Variants in STX18 observed in about 807,000 individuals in gnomAD.
STX18 encodes the protein syntaxin-18.
A neutral mutation model predicts 50.1 loss-of-function variants in STX18; 40 were observed. The ratio of observed to expected loss-of-function variants is 0.80; its 90% CI spans 0.62 to 1.04. The LOEUF (loss-of-function observed/expected upper bound fraction) is 1.04. Ranked by LOEUF, STX18 falls within the 50% of genes least tolerant of loss-of-function variation. The pLI, the probability that STX18 is intolerant of heterozygous loss-of-function variation, is 0.00. For synonymous variants in STX18, 158 were observed against 151.8 expected, an observed-to-expected ratio of 1.04 and a Z score of -0.30; for missense variants, 410 against 415.8, an observed-to-expected ratio of 0.99 and a Z score of 0.12.
At position 4,524,465 on chromosome 4, in the gene STX18, G is replaced by T. The variant is rs192155817; in HGVS notation, c.168+17332C>A. 2.5e-3 allele frequency among the ~76,000 whole-genome samples: 384 copies of T among 152,330 alleles called. 1 individual carries two copies. The highest frequency in any genetic ancestry group is 8.8e-3 in the African/African-American group (365 of 41,564). ...TTAGTGGCAACAGGAGTGGATTGAG[G>T]ATAAGAATATCACTCAATTTGAGCC... On this transcript the variant is annotated intron_variant, in intron 1 of 10. Transcript: ENST00000306200.
intron 1 of STX18, among the ~76,000 whole-genome samples, chr4:4,493,944 T>A (rs1577372596): frequency 1.3e-5 from 2 of 152,360 alleles, no homozygotes; most frequent in East Asian, 3.9e-4. Flanking sequence ...GTGGTTTGAA[T>A]GTCTTTAACT....
chr4:4,459,049 A>AACAC (rs1054012083), intron 3 of STX18, among the ~76,000 whole-genome samples: 1 of 121,826 alleles, frequency 8.2e-6, no homozygotes, highest in African/African-American at 3.6e-5. Flanking sequence ...TGCCACACAG[A>AACAC]ACACACACAC....
chr4:4,485,201 A>G lies in STX18; in HGVS notation c.169-13495T>C, dbSNP rs1448795540. On this transcript the variant is annotated intron_variant, in intron 1 of 10. Coordinates refer to ENST00000306200, the MANE Select transcript of STX18 (RefSeq NM_016930.4). ...CATCTCTGAGGTATAAACTTGAGAC[A>G]GTAATAATGCTGAAGGTGACTACAG... Among the ~76,000 whole-genome samples, 3 of 152,246 alleles carry G rather than the reference A, an allele frequency of 2.0e-5. No individual in the cohort carries two copies. In the East Asian group the frequency reaches 5.8e-4, roughly 29 times the overall value.
intron 1 of STX18, among the ~76,000 whole-genome samples, chr4:4,511,022 G>A (rs1261219988): frequency 2.0e-5 from 3 of 152,184 alleles, no homozygotes; most frequent in Admixed American, 6.5e-5. Flanking sequence ...AGACAAGGGG[G>A]AGGGAGAGCA....
rs953212854 is a variant in STX18, at chr4:4,542,023, G to C, written c.-59C>G. Reference sequence around the variant, plus strand: ...GCCCACGTAAGCAGCCGGCGACCGCGGCGCGAACCCGGCCGCTGAAGGACT... The same window carrying C: ...GCCCACGTAAGCAGCCGGCGACCGCCGCGCGAACCCGGCCGCTGAAGGACT... On this transcript the variant is annotated 5_prime_UTR_variant, in exon 1 of 11. Transcript: ENST00000306200. 6.7e-7 allele frequency: 1 copy of C among 1,482,388 alleles called. No homozygotes were observed. The highest frequency in any genetic ancestry group is 9.0e-7 in the Non-Finnish European group (1 of 1,114,128). The allele number at this position is 1,482,388 out of a possible 1,614,324, so 91.8% of individuals were successfully genotyped here.
chr4:4,533,354 C>T (rs867149638), intron 1 of STX18, among the ~76,000 whole-genome samples: 3 of 152,098 alleles, frequency 2.0e-5, no homozygotes, highest in African/African-American at 7.2e-5. Flanking sequence ...TAGTAAGAGA[C>T]GTCAAACATC....
At chr4:4,514,350 T>C (rs1052740394) in intron 1 of STX18, among the ~76,000 whole-genome samples, 7 of 152,248 alleles carry the variant, frequency 4.6e-5, no homozygotes, top group Non-Finnish European at 2.9e-5. Flanking sequence ...GGAGACTTCA[T>C]GAATAAAATT....
rs1724803041 is a variant in STX18, at chr4:4,419,468, A to G, written c.*566T>C. Reference sequence around the variant, plus strand: ...AATTTGTCAACTTAGACTCATTGACAACACATTAAGGGGCTGTAATTATAT... The same window carrying G: ...AATTTGTCAACTTAGACTCATTGACGACACATTAAGGGGCTGTAATTATAT... On this transcript the variant is annotated 3_prime_UTR_variant, in exon 11 of 11. Coordinates refer to ENST00000306200, the MANE Select transcript of STX18 (RefSeq NM_016930.4). The G allele has an allele frequency of 6.6e-6, 1 of 152,328 alleles. No homozygotes were observed. The highest frequency in any genetic ancestry group is 1.5e-5 in the Non-Finnish European group (1 of 68,116). The allele number at this position is 152,328 out of a possible 1,614,324, so 9.4% of individuals were successfully genotyped here.
chr4:4,453,028 T>G (rs532536594), intron 5 of STX18, among the ~76,000 whole-genome samples: 9 of 152,140 alleles, frequency 5.9e-5, no homozygotes, highest in Non-Finnish European at 1.5e-5. Context: ...ACGATCACAC[T>G]TGAATGGATA....
At chr4:4,459,062 G>GCACACGCACACACA (rs1553837176) in intron 3 of STX18, among the ~76,000 whole-genome samples, 11 of 144,392 alleles carry the variant, frequency 7.6e-5, no homozygotes, top group African/African-American at 2.8e-4. Flanking sequence ...ACACACACAC[G>GCACACGCACACACA]CACACACACA....
intron 1 of STX18, among the ~76,000 whole-genome samples, chr4:4,499,292 GTAAA>G (rs1201251292): frequency 6.6e-6 from 1 of 152,168 alleles, no homozygotes; most frequent in Non-Finnish European, 1.5e-5. Context: ...TTTGAAGTAA[GTAAA>G]TACTTTTTTT....
At chr4:4,481,935 T>A (rs1448461175) in intron 1 of STX18, among the ~76,000 whole-genome samples, 1 of 152,174 alleles carries the variant, frequency 6.6e-6, no homozygotes, top group Non-Finnish European at 1.5e-5. Flanking sequence ...CAGCAGTTGT[T>A]GAGTAAGCAA....
chr4:4,459,247 T>C (rs937305405), intron 3 of STX18, 125 bp downstream of exon 3: 2 of 695,970 alleles, frequency 2.9e-6, no homozygotes, highest in Admixed American at 2.5e-5. Context: ...AAAGAAAAGA[T>C]TTTAACGTTT....
intron 1 of STX18, among the ~76,000 whole-genome samples, chr4:4,479,792 G>GA (rs1034550105): frequency 6.6e-6 from 1 of 151,936 alleles, no homozygotes; most frequent in Admixed American, 6.6e-5. Flanking sequence ...TTGACAGGGG[G>GA]AAAAAAAGAC....
intron 1 of STX18, among the ~76,000 whole-genome samples, chr4:4,501,636 C>G (rs1729467818): frequency 6.6e-6 from 1 of 152,138 alleles, no homozygotes. Flanking sequence ...TTTGGGATCA[C>G]AGGACACTAA....
intron 1 of STX18, among the ~76,000 whole-genome samples, chr4:4,501,682 G>A (rs1729469640): frequency 6.6e-6 from 1 of 152,146 alleles, no homozygotes; most frequent in African/African-American, 2.4e-5. Context: ...ACTTAAAGCT[G>A]TTCAGCTGTT....
chr4:4,424,917 C>T (rs1020880883), intron 8 of STX18, among the ~76,000 whole-genome samples: 10 of 152,106 alleles, frequency 6.6e-5, no homozygotes, highest in Admixed American at 3.3e-4. Context: ...CTGTATCTCT[C>T]GGGGTGGGAA....
intron 1 of STX18, among the ~76,000 whole-genome samples, chr4:4,531,277 A>G (rs1163465428): frequency 1.3e-5 from 2 of 152,194 alleles, no homozygotes; most frequent in African/African-American, 4.8e-5. Flanking sequence ...CATTAAAGTA[A>G]TAATTGCTGT....
chr4:4,488,696 T>C (rs1577368173), intron 1 of STX18, among the ~76,000 whole-genome samples: 1 of 152,214 alleles, frequency 6.6e-6, no homozygotes, highest in African/African-American at 2.4e-5. Flanking sequence ...AAGTTTCTAC[T>C]GCAAAGTTAA....
Sources: gnomAD v4.1 joint callset for allele counts (sites outside exome capture counted in the v4.1 genomes callset) on GRCh38, gnomAD v4.1.1 for gene constraint, MANE v1.5 for transcripts, NCBI Gene and HGNC (gene_info 2026-07-23, HGNC 2026-07-21) for gene names.